STK32A: variants seen among roughly 807,000 people sequenced by gnomAD.
The protein encoded by STK32A is serine/threonine kinase 32A.
In STK32A, 41 loss-of-function variants were observed where a neutral mutation model predicts 53.2. The observed-to-expected ratio is 0.77, with a 90% confidence interval of 0.60 to 1.00. The LOEUF (loss-of-function observed/expected upper bound fraction) is 1.00. Among genes scored for constraint, STK32A ranks in the 50% least tolerant of loss-of-function variants. STK32A has a pLI of 0.00. For synonymous variants in STK32A, 166 were observed against 162.8 expected (o/e 1.02, Z -0.15); for missense variants, 458 against 485.8 (o/e 0.94, Z 0.54).
intron 5 of STK32A, among the ~76,000 whole-genome samples, chr5:147,327,304 C>T (rs1428524712): frequency 6.6e-6 from 1 of 152,060 alleles, no homozygotes; most frequent in South Asian, 2.1e-4. Context: ...CAGCCCGATT[C>T]ATGTTGTACT....
At chr5:147,324,096 C>A (rs1240218934) in intron 5 of STK32A, 25 bp downstream of exon 5, 2 of 1,574,856 alleles carry the variant, frequency 1.3e-6, no homozygotes, top group South Asian at 1.2e-5. Flanking sequence ...AGGAGATGGC[C>A]ATGAACGTAA....
the STK32A span, chr5:147,395,758 T>G: frequency 3.7e-6 from 6 of 1,610,740 alleles, no homozygotes. Flanking sequence ...ATTCATTCAT[T>G]CAGCATTTTA....
intron 6 of STK32A, chr5:147,343,336 C>A: frequency 1.8e-6 from 1 of 564,888 alleles, no homozygotes; most frequent in South Asian, 1.7e-5. Flanking sequence ...TCAGTGTTAG[C>A]TGGCCTTAAT....
intron 9 of STK32A, among the ~76,000 whole-genome samples, chr5:147,372,902 A>AATCTTTACTTTAGTAAC (rs1475795192): frequency 2.0e-5 from 3 of 152,184 alleles, no homozygotes; most frequent in African/African-American, 7.2e-5. Flanking sequence ...TTTAGAGAAC[A>AATCTTTACTTTAGTAAC]AATTTGCCCT....
intron 7 of STK32A, among the ~76,000 whole-genome samples, chr5:147,351,879 A>T (rs1392604577): frequency 6.6e-6 from 1 of 152,184 alleles, no homozygotes; most frequent in African/African-American, 2.4e-5. Context: ...ACAAAGAAGT[A>T]GGAAACAGTA....
At chr5:147,333,720 C>A (rs954905679) in intron 5 of STK32A, among the ~76,000 whole-genome samples, 2 of 152,080 alleles carry the variant, frequency 1.3e-5, no homozygotes, top group Non-Finnish European at 2.9e-5. Context: ...ATCTTCTTTG[C>A]AATAAGCTGT....
intron 10 of STK32A, among the ~76,000 whole-genome samples, chr5:147,373,937 A>G (rs1477973385): frequency 1.3e-5 from 2 of 152,060 alleles, no homozygotes; most frequent in Admixed American, 6.6e-5. Flanking sequence ...CTGAAATTAT[A>G]TGTTCAGTTG....
intron 6 of STK32A, among the ~76,000 whole-genome samples, chr5:147,348,444 T>C (rs767159580): frequency 1.3e-5 from 2 of 152,156 alleles, no homozygotes; most frequent in Non-Finnish European, 2.9e-5. Flanking sequence ...TTTGTTATAA[T>C]AGAGTTGAGG....
intron 6 of STK32A, among the ~76,000 whole-genome samples, chr5:147,349,904 G>A (rs1257045752): frequency 1.3e-5 from 2 of 151,974 alleles, no homozygotes; most frequent in African/African-American, 4.8e-5. Flanking sequence ...GAGGTCAAGA[G>A]ATCGTAGAAC....
chr5:147,350,116 A>AG (rs1755892321), intron 6 of STK32A, among the ~76,000 whole-genome samples: 1 of 151,654 alleles, frequency 6.6e-6, no homozygotes, highest in Admixed American at 6.6e-5. Flanking sequence ...CTTCAAAAAA[A>AG]AAAAATTAAA....
At chr5:147,298,805 A>ATC (rs1400421068) in intron 4 of STK32A, among the ~76,000 whole-genome samples, 1 of 152,262 alleles carries the variant, frequency 6.6e-6, no homozygotes, top group African/African-American at 2.4e-5. Context: ...AGTAAATATA[A>ATC]TCTCTAGAGA....
chr5:147,373,220 A>G lies in STK32A; in HGVS notation c.829A>G (p.Asn277Asp). 1 of 1,613,492 alleles carries G rather than the reference A, an allele frequency of 6.2e-7. No homozygotes were observed. Among genetic ancestry groups the G allele is most frequent in the Non-Finnish European group, 8.5e-7 (1 of 1,179,592 alleles). The change falls in exon 10 of 13, where the codon AAC becomes GAC. Residue 277 changes from asparagine (N) to aspartate (D), a missense_variant. Coordinates refer to ENST00000397936, the MANE Select transcript of STK32A (RefSeq NM_001112724.2). ...ATTTTCTCAGTTATCTGATGTCCAG[A>G]ACTTCCCGTATATGAATGATATAAA... is the stretch of plus-strand genomic sequence containing the variant. ...QRFSQLSDVQNFPYMNDINWD... is the reference protein window; with the variant it reads ...QRFSQLSDVQDFPYMNDINWD...
chr5:147,380,884 A>G (rs1192266571), intron 11 of STK32A, among the ~76,000 whole-genome samples: 1 of 152,204 alleles, frequency 6.6e-6, no homozygotes, highest in Non-Finnish European at 1.5e-5. Flanking sequence ...TAGCTTTTAG[A>G]TTAATTGTTG....
At chr5:147,345,779 C>T (rs1755655807) in intron 6 of STK32A, among the ~76,000 whole-genome samples, 2 of 152,130 alleles carry the variant, frequency 1.3e-5, no homozygotes, top group Admixed American at 6.5e-5. Context: ...TCTCAGTCTG[C>T]CCCTATTACC....
intron 4 of STK32A, among the ~76,000 whole-genome samples, chr5:147,280,304 G>T (rs927182863): frequency 6.6e-6 from 1 of 151,692 alleles, no homozygotes; most frequent in South Asian, 2.1e-4. Context: ...GGGGGCAGGG[G>T]ATAAACCAAG....
chr5:147,275,575 C>T (rs1037873953), intron 2 of STK32A, among the ~76,000 whole-genome samples: 7 of 152,260 alleles, frequency 4.6e-5, no homozygotes, highest in Non-Finnish European at 8.8e-5. Flanking sequence ...GCTCCTGCCT[C>T]GGCCTCCCAA....
intron 2 of STK32A, among the ~76,000 whole-genome samples, chr5:147,250,402 T>C (rs1753935275): frequency 6.6e-6 from 1 of 152,152 alleles, no homozygotes; most frequent in Admixed American, 6.5e-5. Flanking sequence ...AATCCTAATA[T>C]TTAGAAACAA....
chr5:147,325,535 G>T (rs1385539113), intron 5 of STK32A, among the ~76,000 whole-genome samples: 1 of 152,142 alleles, frequency 6.6e-6, no homozygotes, highest in African/African-American at 2.4e-5. Context: ...GGTACCACAG[G>T]CCAGTTCTTT....
intron 4 of STK32A, among the ~76,000 whole-genome samples, chr5:147,318,617 A>C (rs1400316294): frequency 6.6e-6 from 1 of 151,744 alleles, no homozygotes; most frequent in East Asian, 1.9e-4. Context: ...ATTAAAAAAA[A>C]AAAAAAGAAA....
Sources: allele counts gnomAD v4.1 joint callset (sites outside exome capture counted in the v4.1 genomes callset), GRCh38; gene constraint gnomAD v4.1.1; transcripts MANE v1.5; gene names NCBI Gene and HGNC (gene_info 2026-07-23, HGNC 2026-07-21).